The following NTRK2 variants were observed in gnomAD, a reference collection of about 807,000 sequenced individuals.
NTRK2 encodes the protein BDNF/NT-3 growth factors receptor.
A neutral mutation model predicts 94.5 loss-of-function variants in NTRK2; 13 were observed. The ratio of observed to expected loss-of-function variants is 0.14; its 90% CI spans 0.09 to 0.22. NTRK2 has a LOEUF of 0.22. Ranked by LOEUF, NTRK2 falls within the 10% of genes least tolerant of loss-of-function variation. NTRK2 has a pLI of 1.00. For synonymous variants in NTRK2, 372 were observed against 407.4 expected, an observed-to-expected ratio of 0.91 and a Z score of 1.05; for missense variants, 639 against 1,071.2, an observed-to-expected ratio of 0.60 and a Z score of 5.63.
chr9:84,706,532 T>TTTG (rs1554699614), intron 4 of NTRK2, among the ~76,000 whole-genome samples: 2 of 121,014 alleles, frequency 1.7e-5, no homozygotes, highest in African/African-American at 3.1e-5. Context: ...TTTTTGTTTT[T>TTTG]TTTTTTTTTT....
At chr9:84,931,749 A>G (rs2078044011) in intron 14 of NTRK2, among the ~76,000 whole-genome samples, 1 of 151,836 alleles carries the variant, frequency 6.6e-6, no homozygotes, top group African/African-American at 2.4e-5. Context: ...ACCAACGTTA[A>G]ATACTTGCCT....
intron 17 of NTRK2, among the ~76,000 whole-genome samples, chr9:84,974,643 G>A (rs1360973905): frequency 6.6e-6 from 1 of 152,088 alleles, no homozygotes; most frequent in Non-Finnish European, 1.5e-5. Flanking sequence ...ATGGAGAATG[G>A]GCTGTTCTCC....
Position 84,670,516 on chromosome 9 carries a change from GC to G in NTRK2, c.-227del, listed in dbSNP as rs2058633493. On this transcript the variant is annotated 5_prime_UTR_variant, in exon 2 of 19. Transcript: ENST00000277120. ...CCGCGGAGCTCCGAGCAGCGGTAGCGCCCCCCTGTAAAGCGGTTCGCTATGC... is the reference window on the plus strand; with the variant it reads ...CCGCGGAGCTCCGAGCAGCGGTAGCGCCCCCTGTAAAGCGGTTCGCTATGC... The G allele has an allele frequency of 1.4e-5, 8 of 564,014 alleles. No homozygotes were observed. The South Asian group carries it at 1.4e-4, about 10-fold the overall frequency. 34.9% of individuals were successfully genotyped at this position (564,014 alleles called of 1,614,324 possible).
chr9:84,944,097 A>C (rs2078505599), intron 15 of NTRK2, among the ~76,000 whole-genome samples: 1 of 152,076 alleles, frequency 6.6e-6, no homozygotes, highest in Admixed American at 6.5e-5. Context: ...CATTGCACTG[A>C]GAATGGGCTC....
chr9:84,755,243 A>G (rs2064978689), intron 12 of NTRK2, among the ~76,000 whole-genome samples: 1 of 152,118 alleles, frequency 6.6e-6, no homozygotes, highest in Non-Finnish European at 1.5e-5. Flanking sequence ...TTCATCGTAA[A>G]CCAAATGCTG....
At chr9:84,884,313 T>C (rs1241667008) in intron 14 of NTRK2, among the ~76,000 whole-genome samples, 1 of 152,232 alleles carries the variant, frequency 6.6e-6, no homozygotes, top group African/African-American at 2.4e-5. Flanking sequence ...AACTCTTGCA[T>C]ATAACTCAGT....
intron 8 of NTRK2, among the ~76,000 whole-genome samples, chr9:84,725,373 C>T (rs2062372378): frequency 6.6e-6 from 1 of 152,174 alleles, no homozygotes; most frequent in Non-Finnish European, 1.5e-5. Context: ...TTGACCCACT[C>T]AGAAGCCTGA....
At chr9:84,677,931 T>C (rs981182836) in intron 2 of NTRK2, among the ~76,000 whole-genome samples, 4 of 152,214 alleles carry the variant, frequency 2.6e-5, no homozygotes, top group Non-Finnish European at 5.9e-5. Context: ...ATAAAACTGT[T>C]AATAATCACA....
rs537253772 is a variant in NTRK2 at position 84,783,065 on chromosome 9, C to T, written c.1396+30980C>T. 5.3e-5 allele frequency among the ~76,000 whole-genome samples: 8 copies of T among 152,230 alleles called. No individual in the cohort carries two copies. In the South Asian group the frequency reaches 1.5e-3, roughly 28 times the overall value. Reference sequence around the variant, plus strand: ...TTTCTTTGATAAGAAATAGGCTGTTCTCCTACTGTGAATGTCCTCTCGCTG... The same window carrying T: ...TTTCTTTGATAAGAAATAGGCTGTTTTCCTACTGTGAATGTCCTCTCGCTG... On this transcript the variant is annotated intron_variant, in intron 12 of 18. Transcript: ENST00000277120.
intron 17 of NTRK2, among the ~76,000 whole-genome samples, chr9:85,015,202 A>G (rs556363335): frequency 2.6e-4 from 40 of 152,280 alleles, no homozygotes; most frequent in Non-Finnish European, 5.6e-4. Context: ...GTCTTCCTAG[A>G]CTTAATTCCC....
intron 17 of NTRK2, among the ~76,000 whole-genome samples, chr9:84,971,705 G>A (rs1296973401): frequency 6.6e-6 from 1 of 152,210 alleles, no homozygotes; most frequent in Admixed American, 6.5e-5. Flanking sequence ...GAAAGAGGTA[G>A]GGCTTTGCAA....
chr9:84,970,000 A>G (rs1345439929), intron 17 of NTRK2, among the ~76,000 whole-genome samples: 1 of 152,224 alleles, frequency 6.6e-6, no homozygotes, highest in Non-Finnish European at 1.5e-5. Flanking sequence ...CTCTGGAGCC[A>G]GATTTTCTGG....
chr9:84,729,159 A>G (rs2062667881), intron 9 of NTRK2, among the ~76,000 whole-genome samples: 1 of 152,204 alleles, frequency 6.6e-6, no homozygotes, highest in South Asian at 2.1e-4. Flanking sequence ...AAAACAATAA[A>G]CAAGAATGCA....
intron 11 of NTRK2, among the ~76,000 whole-genome samples, chr9:84,750,119 G>A (rs1221439481): frequency 6.6e-6 from 1 of 152,142 alleles, no homozygotes; most frequent in East Asian, 1.9e-4. Flanking sequence ...GGCGTTTGGG[G>A]ATAAATAATC....
intron 12 of NTRK2, among the ~76,000 whole-genome samples, chr9:84,803,448 T>A (rs2070735545): frequency 6.6e-6 from 1 of 152,138 alleles, no homozygotes; most frequent in African/African-American, 2.4e-5. Flanking sequence ...GGCCCTACCT[T>A]GGTCTGGGAG....
chr9:85,006,396 C>G (rs1830964012), intron 17 of NTRK2, among the ~76,000 whole-genome samples: 1 of 152,178 alleles, frequency 6.6e-6, no homozygotes, highest in Non-Finnish European at 1.5e-5. Context: ...CCCTCTTGGG[C>G]TCCCCTGCCA....
intron 14 of NTRK2, among the ~76,000 whole-genome samples, chr9:84,879,697 T>C (rs2076197796): frequency 6.6e-6 from 1 of 152,240 alleles, no homozygotes; most frequent in Non-Finnish European, 1.5e-5. Flanking sequence ...AAGTGAGGAC[T>C]CTTTCTAGCC....
Position 84,870,364 on chromosome 9 carries a change from T to TATATATATAA in NTRK2, c.1633+2934_1633+2935insTATATATAAA, listed in dbSNP as rs1470777504. On this transcript the variant is annotated intron_variant, in intron 14 of 18. Transcript: ENST00000277120. The stretch of plus-strand genomic sequence containing the variant: ...ATATATATATATATATATATATATA[T>TATATATATAA]AAAACTCTGTCACCCAGGCTGGAGT... Among the ~76,000 whole-genome samples the TATATATATAA allele has an allele frequency of 4.3e-4, 56 of 131,668 alleles. 1 individual carries two copies. The East Asian group carries it at 7.4e-3, about 18-fold the overall frequency. The allele number at this position is 131,668 out of a possible 152,430, so 86.4% of individuals were successfully genotyped here.
At chr9:84,995,300 C>A (rs78992725) in intron 17 of NTRK2, among the ~76,000 whole-genome samples, 1 of 151,678 alleles carries the variant, frequency 6.6e-6, no homozygotes, top group African/African-American at 2.4e-5. Context: ...TTTTTTTTTC[C>A]CCCAGAACAG....
Sources: allele counts gnomAD v4.1 joint callset (sites outside exome capture counted in the v4.1 genomes callset), GRCh38; gene constraint gnomAD v4.1.1; transcripts MANE v1.5; gene names NCBI Gene and HGNC (gene_info 2026-07-23, HGNC 2026-07-21).